The following PRUNE2 variants were observed in gnomAD, a reference collection of about 807,000 sequenced individuals.
The protein encoded by PRUNE2 is protein prune homolog 2.
Under a neutral mutation model 252.0 loss-of-function variants are expected in PRUNE2, and 164 were observed. That is an observed-to-expected ratio of 0.65 (90% CI 0.57 to 0.74). PRUNE2 has a LOEUF of 0.74. Among genes scored for constraint, PRUNE2 ranks in the 30% least tolerant of loss-of-function variants. The pLI is 0.00. For missense variants in PRUNE2, 3,495 were observed against 3,711.0 expected, an observed-to-expected ratio of 0.94 and a Z score of 1.51; for synonymous variants, 1,292 against 1,350.2, an observed-to-expected ratio of 0.96 and a Z score of 0.94.
chr9:76,777,981 G>A (rs1465368647), intron 6 of PRUNE2, among the ~76,000 whole-genome samples: 1 of 152,182 alleles, frequency 6.6e-6, no homozygotes, highest in Admixed American at 6.5e-5. Flanking sequence ...CTATAGCAGT[G>A]GGAGGTGGAA....
At chr9:76,792,007 A>G (rs1414640648) in intron 6 of PRUNE2, among the ~76,000 whole-genome samples, 1 of 152,176 alleles carries the variant, frequency 6.6e-6, no homozygotes, top group Non-Finnish European at 1.5e-5. Flanking sequence ...GGAGGGTCTG[A>G]GAAAGTAGAC....
chr9:76,829,474 A>G (rs2058543901), intron 4 of PRUNE2, among the ~76,000 whole-genome samples: 1 of 152,222 alleles, frequency 6.6e-6, no homozygotes, highest in Non-Finnish European at 1.5e-5. Context: ...TACAGTCTGG[A>G]GATAAAATCT....
intron 11 of PRUNE2, among the ~76,000 whole-genome samples, chr9:76,651,414 C>T (rs1410752100): frequency 6.6e-6 from 1 of 152,130 alleles, no homozygotes; most frequent in Non-Finnish European, 1.5e-5. Context: ...AGTGGAACTG[C>T]TAGAATTAGC....
chr9:76,656,810 A>G (rs1177693782), intron 9 of PRUNE2, among the ~76,000 whole-genome samples: 3 of 152,134 alleles, frequency 2.0e-5, no homozygotes, highest in Non-Finnish European at 4.4e-5. Flanking sequence ...GACCCCTTCA[A>G]AAGCTCAGCA....
At chr9:76,801,822 T>C (rs2056580365) in intron 6 of PRUNE2, among the ~76,000 whole-genome samples, 1 of 152,138 alleles carries the variant, frequency 6.6e-6, no homozygotes. Flanking sequence ...GTACAGACAA[T>C]GTTCAGAATC....
chr9:76,749,717 A>ATCC (rs1320281465), intron 6 of PRUNE2, among the ~76,000 whole-genome samples: 8 of 152,310 alleles, frequency 5.3e-5, no homozygotes, highest in African/African-American at 1.9e-4. Context: ...TTTGGTTTGT[A>ATCC]ACACAAGGAT....
At chr9:76,680,093 C>T (rs13290890) in intron 9 of PRUNE2, among the ~76,000 whole-genome samples, 12,045 of 152,090 alleles carry the variant, frequency 0.079, 646 homozygotes, top group South Asian at 0.14. Flanking sequence ...AAAACATTTG[C>T]AAGTCATATA....
chr9:76,763,620 T>C (rs772840993), intron 6 of PRUNE2, among the ~76,000 whole-genome samples: 17 of 152,202 alleles, frequency 1.1e-4, no homozygotes, highest in Non-Finnish European at 8.8e-5. Context: ...GTGTCGTCTA[T>C]TTAGCTTCCT....
At chr9:76,848,078 A>G (rs2059764482) in intron 3 of PRUNE2, among the ~76,000 whole-genome samples, 2 of 152,324 alleles carry the variant, frequency 1.3e-5, no homozygotes, top group Non-Finnish European at 2.9e-5. Context: ...AGCCTGGCCA[A>G]CACGGTGAAA....
chr9:76,772,932 T>C (rs1159771726), intron 6 of PRUNE2, among the ~76,000 whole-genome samples: 2 of 152,302 alleles, frequency 1.3e-5, no homozygotes. Context: ...TTAACAGAAG[T>C]TGGGAAGCCC....
intron 6 of PRUNE2, among the ~76,000 whole-genome samples, chr9:76,723,364 C>T (rs575873900): frequency 6.6e-6 from 1 of 152,128 alleles, no homozygotes; most frequent in African/African-American, 2.4e-5. Flanking sequence ...GCCTGCTTTA[C>T]CATTCAGTAT....
chr9:76,709,434 G>C lies in PRUNE2; in HGVS notation c.2840C>G (p.Ser947Cys), dbSNP rs369610989. 3.2e-5 allele frequency: 52 copies of C among 1,613,846 alleles called. No individual in the cohort carries two copies. The highest frequency in any genetic ancestry group is 4.1e-5 in the Non-Finnish European group (48 of 1,179,854). Residue 947 changes from serine (S) to cysteine (C), a missense_variant, in exon 8 of 19, where the codon TCT (serine) becomes TGT (cysteine). Physicochemically the swap from Ser to Cys is moderately radical, Grantham distance 112. Coordinates refer to ENST00000376718, the MANE Select transcript of PRUNE2 (RefSeq NM_015225.3). ...TCCTAGGTTGGATGCACTGTAATCA[G>C]AACATTTGTAAGATAAGAAGGAATC... The part of the protein sequence containing the change: ...WEDSFLSYKC[S>C]DYSASNLGED...
chr9:76,624,487 C>G lies in PRUNE2; in HGVS notation c.9153G>C (p.Leu3051=). The change falls in exon 17 of 19, where the codon CTG becomes CTC. Residue 3051 remains leucine (L), a synonymous_variant. Coordinates refer to ENST00000376718, the MANE Select transcript of PRUNE2 (RefSeq NM_015225.3). ...CTGATGCTTCCCTCAGTTCTTCATCCAGTCTGCAGGAGCAAAAATTATTGG... is the reference window on the plus strand; with the variant it reads ...CTGATGCTTCCCTCAGTTCTTCATCGAGTCTGCAGGAGCAAAAATTATTGG... ...CIHIPESIIK[L]DEELREASEA... is the part of the protein sequence containing the mutation. 7.0e-7 allele frequency: 1 copy of G among 1,428,958 alleles called. No homozygotes were observed. Among genetic ancestry groups the G allele is most frequent in the Non-Finnish European group, 9.2e-7 (1 of 1,086,796 alleles). The allele number at this position is 1,428,958 out of a possible 1,614,324, so 88.5% of individuals were successfully genotyped here.
At chr9:76,666,430 T>A (rs1230389271) in intron 9 of PRUNE2, among the ~76,000 whole-genome samples, 2 of 152,210 alleles carry the variant, frequency 1.3e-5, no homozygotes, top group Admixed American at 1.3e-4. Context: ...TCATGTTCCA[T>A]CCTGTACACC....
intron 4 of PRUNE2, among the ~76,000 whole-genome samples, chr9:76,828,922 C>T (rs955069762): frequency 1.0e-4 from 15 of 144,312 alleles, no homozygotes; most frequent in East Asian, 2.1e-4. Context: ...GAGGCTGAGG[C>T]GGGAGAATTG....
At chr9:76,713,744 G>T in intron 6 of PRUNE2, 23 bp from the exon 7 acceptor site, 1 of 1,565,684 alleles carries the variant, frequency 6.4e-7, no homozygotes, top group Non-Finnish European at 8.7e-7. Context: ...CAGGAAATTT[G>T]ATATTAATGT....
At chr9:76,803,129 A>G (rs1279320786) in intron 6 of PRUNE2, among the ~76,000 whole-genome samples, 1 of 152,188 alleles carries the variant, frequency 6.6e-6, no homozygotes, top group Non-Finnish European at 1.5e-5. Context: ...GCCTTCTAAG[A>G]TGGTGAGAGA....
rs2046353023 is a variant in PRUNE2 at position 76,706,878 on chromosome 9, G to A, written c.5396C>T (p.Ala1799Val). ...CGAAGCTTTGGGAGATATTTGCCAT[G>A]CAACATCTCCTGTTGTCCCTGTTTC... ...SPETGTTGDV[A>V]WQISPKASFP... The change falls in exon 8 of 19, where the codon GCA becomes GTA. Residue 1799 changes from alanine (A) to valine (V), a missense_variant. Ala to Val is a moderately conservative substitution (Grantham distance 64, BLOSUM62 0). Coordinates refer to ENST00000376718, the MANE Select transcript of PRUNE2 (RefSeq NM_015225.3). 1.3e-6 allele frequency: 2 copies of A among 1,595,194 alleles called. No homozygotes were observed. Among genetic ancestry groups the A allele is most frequent in the Non-Finnish European group, 1.7e-6 (2 of 1,170,924 alleles).
intron 6 of PRUNE2, among the ~76,000 whole-genome samples, chr9:76,735,015 G>A (rs891909506): frequency 6.6e-6 from 1 of 151,898 alleles, no homozygotes; most frequent in African/African-American, 2.4e-5. Flanking sequence ...GGCAAGCCCT[G>A]GAGCTACCCA....
Sources: gnomAD v4.1 joint callset for allele counts (sites outside exome capture counted in the v4.1 genomes callset) on GRCh38, gnomAD v4.1.1 for gene constraint, MANE v1.5 for transcripts, NCBI Gene and HGNC (gene_info 2026-07-23, HGNC 2026-07-21) for gene names.